COG4: variants seen among roughly 807,000 people sequenced by gnomAD.
COG4 encodes the protein conserved oligomeric Golgi complex subunit 4.
A neutral mutation model predicts 95.1 loss-of-function variants in COG4; 65 were observed. That is an observed-to-expected ratio of 0.68 (90% confidence interval 0.56 to 0.84). The LOEUF (loss-of-function observed/expected upper bound fraction) is 0.84. COG4 is among the 40% of genes least tolerant of loss of function. COG4 has a pLI of 0.00. For synonymous variants in COG4, 421 were observed against 374.8 expected (o/e 1.12, Z -1.42); for missense variants, 1,045 against 989.1 (o/e 1.06, Z -0.76).
intron 2 of COG4, among the ~76,000 whole-genome samples, chr16:70,518,307 A>G (rs911750026): frequency 6.6e-6 from 1 of 152,310 alleles, no homozygotes; most frequent in South Asian, 2.1e-4. Context: ...TTGCTAAGTG[A>G]GCATAAGATG....
Position 70,481,750 on chromosome 16 carries a change from C to T in COG4, c.2106+14G>A, listed in dbSNP as rs373597446. 6.2e-7 allele frequency: 1 copy of T among 1,607,150 alleles called. No individual in the cohort carries two copies. ...AGAAACGAGAGCCGCAGACCCATGA[C>T]CCCTTTACCTTACCCGGTTAAAGGT... On this transcript the variant is annotated intron_variant, in intron 17 of 18. Transcript: ENST00000323786.
chr16:70,520,301 G>A (rs1358798930), intron 1 of COG4, among the ~76,000 whole-genome samples: 4 of 150,580 alleles, frequency 2.7e-5, no homozygotes. Flanking sequence ...AAATTAGCCG[G>A]GTGTGGTGGC....
At chr16:70,522,457 TAACAA>T (rs1028757915) in intron 1 of COG4, among the ~76,000 whole-genome samples, 15 of 151,984 alleles carry the variant, frequency 9.9e-5, no homozygotes, top group Admixed American at 7.2e-4. Context: ...TTTCTAAAAA[TAACAA>T]AACAAAACAA....
rs752940850 is a variant in COG4, at chr16:70,496,397, G to A, written c.1516C>T (p.Pro506Ser). The change falls in exon 12 of 19, where the codon CCT becomes TCT. Residue 506 changes from proline to serine, a missense_variant. Physicochemically the swap from Pro to Ser is moderately conservative, Grantham distance 74. Transcript: ENST00000323786. ...TGGATGTCCTGGAAGGTGGTGGCAG[G>A]AAAGCCCATCCGCAGCTTATTACAC... ...VLCNKLRMGF[P>S]ATTFQDIQRG... 15 of 1,614,164 alleles carry A rather than the reference G, an allele frequency of 9.3e-6. No individual in the cohort carries two copies. Among genetic ancestry groups the A allele is most frequent in the Non-Finnish European group, 1.2e-5 (14 of 1,180,036 alleles).
At chr16:70,510,177 G>T (rs1227341402) in intron 5 of COG4, among the ~76,000 whole-genome samples, 156 bp from the exon 6 acceptor site, 1 of 152,154 alleles carries the variant, frequency 6.6e-6, no homozygotes, top group Non-Finnish European at 1.5e-5. Context: ...CTCCCTTGAG[G>T]GACAGTCTGA....
chr16:70,511,608 G>A (rs1363519034), intron 5 of COG4, among the ~76,000 whole-genome samples: 1 of 152,024 alleles, frequency 6.6e-6, no homozygotes. Flanking sequence ...AACTGCTTGG[G>A]AGGCTGAGGC....
At chr16:70,505,389 A>G (rs1004101508) in intron 8 of COG4, among the ~76,000 whole-genome samples, 24 of 149,402 alleles carry the variant, frequency 1.6e-4, no homozygotes, top group Non-Finnish European at 2.8e-4. Context: ...TTTTTAGTAG[A>G]GACAGGGTTT....
chr16:70,508,673 A>G, intron 7 of COG4: 1 of 672,480 alleles, frequency 1.5e-6, no homozygotes, highest in African/African-American at 1.8e-5. Flanking sequence ...CACCTCTATT[A>G]CTGTGCTTAA....
chr16:70,486,137 C>A (rs143368698), intron 13 of COG4, among the ~76,000 whole-genome samples: 3 of 150,400 alleles, frequency 2.0e-5, no homozygotes, highest in Non-Finnish European at 4.4e-5. Flanking sequence ...CCTTGTGATC[C>A]GCCCGCCTTG....
Position 70,481,260 on chromosome 16 carries a change from C to T in COG4, c.2235+99G>A, listed in dbSNP as rs1597650526. The T allele has an allele frequency of 3.1e-6, 5 of 1,607,454 alleles. No individual in the cohort carries two copies. In the South Asian group the frequency reaches 5.5e-5, roughly 18 times the overall value. On this transcript the variant is annotated intron_variant, in intron 18 of 18. Transcript: ENST00000323786. ...GGGAAGGGGAAGGTGTCCTATAGAG[C>T]TGGCTGCTGGCAGACATGGTTTAGA...
At chr16:70,497,127 A>G in intron 11 of COG4, 94 bp downstream of exon 11, 1 of 1,226,362 alleles carries the variant, frequency 8.2e-7, no homozygotes, top group Non-Finnish European at 1.2e-6. Flanking sequence ...GAACTTAACT[A>G]GAATCATGAG....
intron 7 of COG4, 149 bp downstream of exon 7, chr16:70,509,082 T>C (rs2049641908): frequency 1.0e-6 from 1 of 961,106 alleles, no homozygotes; most frequent in Non-Finnish European, 1.6e-6. Flanking sequence ...AAGCTGTCAA[T>C]GGGCAAGATG....
rs2049374563 is a variant in COG4, at chr16:70,497,984, A to T, written c.1267T>A (p.Leu423Ile). The change falls in exon 10 of 19, where the codon TTA (leucine) becomes ATA (isoleucine). Residue 423 changes from leucine (L) to isoleucine (I), a missense_variant. Physicochemically the swap from Leu to Ile is conservative, Grantham distance 5 (BLOSUM62 2). Coordinates refer to ENST00000323786, the MANE Select transcript of COG4 (RefSeq NM_015386.3). ...AAGTACTCCTCCATGGTAACATATA[A>T]GCCAATTAGCTCCTGCATGGTACAG... ...LSCTMQELIG[L>I]YVTMEEYFMR... is the part of the protein sequence containing the mutation. 1 of 1,613,258 alleles carries T rather than the reference A, an allele frequency of 6.2e-7. No individual in the cohort carries two copies. Among genetic ancestry groups the T allele is most frequent in the Non-Finnish European group, 8.5e-7 (1 of 1,179,318 alleles).
chr16:70,494,356 C>A lies in COG4; in HGVS notation c.1647+1910G>T, dbSNP rs78721476. Among the ~76,000 whole-genome samples, 12 of 152,314 alleles carry A rather than the reference C, an allele frequency of 7.9e-5. No individual in the cohort carries two copies. In the East Asian group the frequency reaches 2.1e-3, roughly 27 times the overall value. On this transcript the variant is annotated intron_variant, in intron 12 of 18. Transcript: ENST00000323786. ...CTGGGTTTATTCCCTGCCCACAGTG[C>A]ATGATGTCAGTAAATTTGGAGAATT...
chr16:70,509,157 C>A (rs1227574761), intron 7 of COG4, 74 bp downstream of exon 7: 8 of 1,580,942 alleles, frequency 5.1e-6, no homozygotes, highest in Non-Finnish European at 7.0e-6. Context: ...CTTTTTCAAA[C>A]CCTACAATTT....
chr16:70,519,766 A>T (rs776029494), intron 1 of COG4, 35 bp from the exon 2 acceptor site: 1 of 1,481,020 alleles, frequency 6.8e-7, no homozygotes, highest in Non-Finnish European at 9.4e-7. Flanking sequence ...CAGCAGAATG[A>T]TCAGAAGGAA....
intron 13 of COG4, among the ~76,000 whole-genome samples, chr16:70,489,634 C>A (rs1296673858): frequency 6.6e-6 from 1 of 151,586 alleles, no homozygotes; most frequent in East Asian, 1.9e-4. Flanking sequence ...GCCTTGGCCT[C>A]CCAAAATGTT....
At chr16:70,516,053 G>T in intron 3 of COG4, 2 of 455,958 alleles carry the variant, frequency 4.4e-6, no homozygotes, top group Non-Finnish European at 8.8e-6. Context: ...ACCACGAAAG[G>T]ATATTGAATT....
chr16:70,491,824 C>CA (rs772831502), intron 12 of COG4, among the ~76,000 whole-genome samples: 1,562 of 57,652 alleles, frequency 0.027, 13 homozygotes, highest in Non-Finnish European at 0.034. Context: ...AACTACGTCT[C>CA]AAAAAAAAAA....
Sources: gnomAD v4.1 joint callset for allele counts (sites outside exome capture counted in the v4.1 genomes callset) on GRCh38, gnomAD v4.1.1 for gene constraint, MANE v1.5 for transcripts, NCBI Gene and HGNC (gene_info 2026-07-23, HGNC 2026-07-21) for gene names.